The following WDR35 variants were observed in gnomAD, a reference collection of about 807,000 sequenced individuals.
The protein encoded by WDR35 is WD repeat domain 35, also known as WD repeat-containing protein 35.
Under a neutral mutation model 158.3 loss-of-function variants are expected in WDR35, and 118 were observed. The observed-to-expected ratio is 0.75, with a 90% CI of 0.64 to 0.87. The LOEUF (loss-of-function observed/expected upper bound fraction) is 0.87. WDR35 is among the 40% of genes least tolerant of loss of function. WDR35 has a pLI of 0.00. For missense variants in WDR35, 1,263 were observed against 1,405.8 expected, an observed-to-expected ratio of 0.90 and a Z score of 1.62; for synonymous variants, 448 against 476.1, an observed-to-expected ratio of 0.94 and a Z score of 0.77.
intron 16 of WDR35, among the ~76,000 whole-genome samples, chr2:19,944,380 C>A (rs1670980266): frequency 6.6e-6 from 1 of 152,140 alleles, no homozygotes. Context: ...TGGTACCAGA[C>A]TGACCATGTG....
chr2:19,973,275 A>G (rs1023624805), intron 8 of WDR35, among the ~76,000 whole-genome samples: 4 of 152,148 alleles, frequency 2.6e-5, no homozygotes, highest in African/African-American at 9.6e-5. Flanking sequence ...AAAGAGACAC[A>G]TATTCAGATC....
At chr2:19,931,466 C>G in intron 23 of WDR35, 57 bp from the exon 24 acceptor site, 1 of 1,588,852 alleles carries the variant, frequency 6.3e-7, no homozygotes, top group South Asian at 1.1e-5. Flanking sequence ...TGTACAAATA[C>G]AATCATTTCC....
intron 11 of WDR35, among the ~76,000 whole-genome samples, chr2:19,954,994 C>T (rs1257885353): frequency 6.6e-6 from 1 of 152,174 alleles, no homozygotes; most frequent in Non-Finnish European, 1.5e-5. Context: ...ACTCTGTCGC[C>T]CAGGCTGGAG....
chr2:19,944,483 T>C (rs1011329612), intron 16 of WDR35, among the ~76,000 whole-genome samples: 1 of 152,068 alleles, frequency 6.6e-6, no homozygotes, highest in African/African-American at 2.4e-5. Flanking sequence ...GGGCTAAGGA[T>C]AGAAAAAGAC....
At chr2:19,935,411 T>C in intron 21 of WDR35, 60 bp downstream of exon 21, 2 of 1,579,172 alleles carry the variant, frequency 1.3e-6, no homozygotes, top group South Asian at 1.1e-5. Context: ...TTCCTGACTA[T>C]AACATAAAAT....
chr2:19,913,734 T>C (rs1669906156), intron 26 of WDR35, 26 bp from the exon 27 acceptor site: 1 of 1,613,820 alleles, frequency 6.2e-7, no homozygotes, highest in South Asian at 1.1e-5. Flanking sequence ...AAACAATTCA[T>C]TATACTTTAA....
At position 19,912,229 on chromosome 2, in the gene WDR35, T is replaced by C. The variant is rs1669861450; in HGVS notation, c.*1329A>G. The C allele has an allele frequency of 1.3e-5, 2 of 152,354 alleles. No homozygotes were observed. Among genetic ancestry groups the C allele is most frequent in the African/African-American group, 2.4e-5 (1 of 41,582 alleles). 9.4% of individuals were successfully genotyped at this position (152,354 alleles called of 1,614,324 possible). A position where few individuals can be genotyped will look rare whatever the true frequency, so the allele number is the denominator to read the frequency against. ...AATTGGTTCAATAAACCAATGTATT[T>C]TGAGAATTTTTATTTGGTTTATAAG... On this transcript the variant is annotated 3_prime_UTR_variant, in exon 27 of 27. Coordinates refer to ENST00000281405, the MANE Select transcript of WDR35 (RefSeq NM_020779.4).
Position 19,924,568 on chromosome 2 carries a change from C to T in WDR35, c.3121+5828G>A, listed in dbSNP as rs1670299495. ...GACAGAGTGAGATTTCATCTCAAAA[C>T]AAAAAGGTGATTGCAGATTTGGCTG... On this transcript the variant is annotated intron_variant, in intron 25 of 26. Transcript: ENST00000281405. Among the ~76,000 whole-genome samples, 3 of 152,158 alleles carry T rather than the reference C, an allele frequency of 2.0e-5. No individual in the cohort carries two copies. In the South Asian group the frequency reaches 6.2e-4, roughly 32 times the overall value.
In WDR35 at chr2:19,930,568, G is replaced by A; in HGVS notation, c.2965-16C>T. On this transcript the variant is annotated splice_polypyrimidine_tract_variant and intron_variant, in intron 24 of 26. Transcript: ENST00000281405. ...CAGAAGTGGCCTACGAGTAAAGTCA[G>A]CCCACACTTTCCGTCAGCACAAACG... 1 of 1,613,740 alleles carries A rather than the reference G, an allele frequency of 6.2e-7. No individual in the cohort carries two copies. Among genetic ancestry groups the A allele is most frequent in the South Asian group, 1.1e-5 (1 of 91,070 alleles).
chr2:19,941,824 A>G lies in WDR35; in HGVS notation c.1861T>C (p.Ser621Pro), dbSNP rs199882056. The G allele has an allele frequency of 4.2e-5, 66 of 1,573,576 alleles. 1 individual carries two copies. In the East Asian group the frequency reaches 1.3e-3, roughly 31 times the overall value. Residue 621 changes from serine to proline, a missense_variant, in exon 17 of 27, where the codon TCT (serine) becomes CCT (proline). By Grantham distance (74) the Ser-to-Pro change is moderately conservative. Coordinates refer to ENST00000281405, the MANE Select transcript of WDR35 (RefSeq NM_020779.4). ...NLDPEEPIQT[S>P]GYICNFEDLE... ...TCCTCAAAATTACAAATATATCCAG[A>G]GGTCTGAATGGGTTCCTTTAAAGAC...
intron 11 of WDR35, among the ~76,000 whole-genome samples, chr2:19,958,356 A>G (rs1558345151): frequency 6.6e-6 from 1 of 152,118 alleles, no homozygotes; most frequent in Admixed American, 6.6e-5. Context: ...AAGTAGAAAG[A>G]TGTCTCTGAT....
chr2:19,937,651 G>A lies in WDR35; in HGVS notation c.2267+92C>T, dbSNP rs1023807341. 1.1e-4 allele frequency: 166 copies of A among 1,515,096 alleles called. 2 individuals carry two copies. In the South Asian group the frequency reaches 1.8e-3, roughly 16 times the overall value. 93.9% of individuals were successfully genotyped at this position (1,515,096 alleles called of 1,614,324 possible). ...AATTAATTTCTAAAAGGAACCATAT[G>A]ATACACCTAACGTATTTATAGTTTC... On this transcript the variant is annotated intron_variant, in intron 19 of 26. Coordinates refer to ENST00000281405, the MANE Select transcript of WDR35 (RefSeq NM_020779.4).
chr2:19,952,856 T>C (rs1040291643), intron 12 of WDR35, among the ~76,000 whole-genome samples: 19 of 143,286 alleles, frequency 1.3e-4, no homozygotes, highest in African/African-American at 1.8e-4. Context: ...TGGCGGGATC[T>C]CGGCTCACTG....
intron 7 of WDR35, 147 bp from the exon 8 acceptor site, chr2:19,973,855 C>A: frequency 1.3e-5 from 15 of 1,164,868 alleles, no homozygotes; most frequent in Non-Finnish European, 1.8e-5. Flanking sequence ...CGCCTATAAT[C>A]CCAACACTTT....
intron 3 of WDR35, 137 bp downstream of exon 3, chr2:19,982,326 C>T (rs559720181): frequency 8.4e-5 from 70 of 837,200 alleles, no homozygotes; most frequent in African/African-American, 6.9e-4. Flanking sequence ...TGGAACATAT[C>T]CCCATCGTAA....
intron 10 of WDR35, 108 bp from the exon 11 acceptor site, chr2:19,960,722 G>A: frequency 1.2e-6 from 1 of 825,256 alleles, no homozygotes. Flanking sequence ...TGCTAACTGG[G>A]AAATAACTGA....
At chr2:19,919,231 T>A (rs1430608220) in intron 25 of WDR35, among the ~76,000 whole-genome samples, 1 of 150,962 alleles carries the variant, frequency 6.6e-6, no homozygotes, top group African/African-American at 2.4e-5. Flanking sequence ...ATACAAAAAA[T>A]TTAGCCAGGC....
chr2:19,969,151 C>T (rs1671953175), intron 9 of WDR35, among the ~76,000 whole-genome samples: 1 of 152,224 alleles, frequency 6.6e-6, no homozygotes, highest in African/African-American at 2.4e-5. Flanking sequence ...CTGGTGATGG[C>T]TTCTCATTGA....
chr2:19,951,459 A>C lies in WDR35; in HGVS notation c.1426T>G (p.Ser476Ala), dbSNP rs753770776. The change falls in exon 13 of 27, where the codon TCT becomes GCT. Residue 476 changes from serine (S) to alanine (A), a missense_variant. Ser to Ala is a moderately conservative substitution (Grantham distance 99, BLOSUM62 1). Coordinates refer to ENST00000281405, the MANE Select transcript of WDR35 (RefSeq NM_020779.4). ...ERIYHVDDTP[S>A]GSMDGVLDYS... Reference sequence around the variant, plus strand: ...TCAAGCACACCATCCATTGATCCAGAAGGGGTATCATCAACATGATAAATT... The same window carrying C: ...TCAAGCACACCATCCATTGATCCAGCAGGGGTATCATCAACATGATAAATT... The C allele has an allele frequency of 6.2e-7, 1 of 1,611,644 alleles. No homozygotes were observed. Among genetic ancestry groups the C allele is most frequent in the South Asian group, 1.1e-5 (1 of 90,634 alleles).
Sources: allele counts gnomAD v4.1 joint callset (sites outside exome capture counted in the v4.1 genomes callset), GRCh38; gene constraint gnomAD v4.1.1; transcripts MANE v1.5; gene names NCBI Gene and HGNC (gene_info 2026-07-23, HGNC 2026-07-21).